ERAP1: variants seen among roughly 807,000 people sequenced by gnomAD.
The protein encoded by ERAP1 is adipocyte-derived leucine aminopeptidase.
ERAP1 carries 86 observed loss-of-function variants against 103.7 expected under a neutral mutation model. The ratio of observed to expected loss-of-function variants is 0.83; its 90% CI spans 0.70 to 0.99. The LOEUF (loss-of-function observed/expected upper bound fraction) is 0.99. ERAP1 is among the 50% of genes least tolerant of loss of function. The pLI is 0.00. For missense variants in ERAP1, 1,009 were observed against 1,128.4 expected (o/e 0.89, Z 1.52); for synonymous variants, 398 against 402.4 (o/e 0.99, Z 0.13).
the ERAP1 span, among the ~76,000 whole-genome samples, chr5:96,920,850 G>A: frequency 6.6e-6 from 1 of 152,356 alleles, no homozygotes. Context: ...CATGAAAGAA[G>A]TGGCTTTACT....
At chr5:96,908,247 C>T in the ERAP1 span, among the ~76,000 whole-genome samples, 1 of 152,184 alleles carries the variant, frequency 6.6e-6, no homozygotes, top group East Asian at 1.9e-4. Flanking sequence ...CTGTGTGCAA[C>T]ATAGCCTCCC....
chr5:96,783,324 G>A lies in ERAP1; in HGVS notation c.2101-89C>T, dbSNP rs182760682. On this transcript the variant is annotated intron_variant, in intron 14 of 18. Transcript: ENST00000443439. Reference sequence around the variant, plus strand: ...TCCATTATGGTCTCAGATGATGGGGGCTAATTTTTAAAGCATAATCTAACT... The same window carrying A: ...TCCATTATGGTCTCAGATGATGGGGACTAATTTTTAAAGCATAATCTAACT... 4,522 of 1,246,362 alleles carry A rather than the reference G, an allele frequency of 3.6e-3. 17 individuals carry two copies. The highest frequency in any genetic ancestry group is 6.8e-3 in the Middle Eastern group (25 of 3,686). 77.2% of individuals were successfully genotyped at this position (1,246,362 alleles called of 1,614,324 possible). A position where few individuals can be genotyped will look rare whatever the true frequency, so the allele number is the denominator to read the frequency against.
the ERAP1 span, among the ~76,000 whole-genome samples, chr5:96,870,086 G>A: frequency 6.6e-6 from 1 of 152,078 alleles, no homozygotes; most frequent in South Asian, 2.1e-4. Context: ...TGCAGATTTG[G>A]AAGAGGAAAC....
chr5:96,870,726 G>A, the ERAP1 span, among the ~76,000 whole-genome samples: 3 of 152,080 alleles, frequency 2.0e-5, no homozygotes, highest in Admixed American at 1.3e-4. Flanking sequence ...ATTGAGTTTT[G>A]TGCTGGAACA....
the ERAP1 span, among the ~76,000 whole-genome samples, chr5:96,843,412 CAA>C: frequency 6.6e-6 from 1 of 152,166 alleles, no homozygotes. Flanking sequence ...AGTGAAGTTA[CAA>C]AGTTATACTC....
At chr5:96,891,371 G>GTATA in the ERAP1 span, among the ~76,000 whole-genome samples, 47 of 89,228 alleles carry the variant, frequency 5.3e-4, no homozygotes, top group African/African-American at 1.5e-3. Context: ...ATATATATGT[G>GTATA]TATATATATA....
chr5:96,860,318 T>C, the ERAP1 span, among the ~76,000 whole-genome samples: 4 of 152,162 alleles, frequency 2.6e-5, no homozygotes, highest in African/African-American at 4.8e-5. Flanking sequence ...CCTCCCAAAG[T>C]GCTGGGATTA....
chr5:96,836,646 C>G, the ERAP1 span, among the ~76,000 whole-genome samples: 2 of 152,230 alleles, frequency 1.3e-5, no homozygotes, highest in Non-Finnish European at 2.9e-5. Context: ...AAACAAAACT[C>G]ATTTCATCCC....
At chr5:96,860,094 C>T in the ERAP1 span, among the ~76,000 whole-genome samples, 1 of 152,176 alleles carries the variant, frequency 6.6e-6, no homozygotes, top group African/African-American at 2.4e-5. Flanking sequence ...GAGAGTCTCA[C>T]TCTGTTGACC....
the ERAP1 span, among the ~76,000 whole-genome samples, chr5:96,888,033 G>A: frequency 4.0e-5 from 6 of 151,770 alleles, no homozygotes; most frequent in African/African-American, 1.5e-4. Flanking sequence ...GCTGAGGCAG[G>A]AGAATCGCTT....
At chr5:96,850,109 A>G in the ERAP1 span, among the ~76,000 whole-genome samples, 2 of 152,332 alleles carry the variant, frequency 1.3e-5, no homozygotes, top group East Asian at 3.9e-4. Flanking sequence ...TAATGAATTA[A>G]ATGCTTAAAT....
At chr5:96,874,641 C>T in the ERAP1 span, among the ~76,000 whole-genome samples, 5 of 152,348 alleles carry the variant, frequency 3.3e-5, no homozygotes, top group Non-Finnish European at 5.9e-5. Flanking sequence ...TCTTATGTTT[C>T]GGGCCTTAGG....
the ERAP1 span, among the ~76,000 whole-genome samples, chr5:96,870,153 G>T: frequency 6.6e-6 from 1 of 152,172 alleles, no homozygotes; most frequent in Non-Finnish European, 1.5e-5. Flanking sequence ...TCTGAGAGCT[G>T]CTGAGAGTAA....
At position 96,762,252 on chromosome 5, in the gene ERAP1, A is replaced by C. The variant is rs373534202; in HGVS notation, c.*948T>G. ...TAATTTTATATACAACATGTTACTA[A>C]TAAAATTTTTTTCAATAAAAGAAAT... On this transcript the variant is annotated 3_prime_UTR_variant, in exon 20 of 20. Coordinates refer to the ERAP1 transcript ENST00000296754. 2.6e-6 allele frequency: 4 copies of C among 1,542,924 alleles called. No homozygotes were observed. In the Middle Eastern group the frequency reaches 5.1e-4, roughly 197 times the overall value.
At chr5:96,889,961 T>C in the ERAP1 span, among the ~76,000 whole-genome samples, 1 of 152,118 alleles carries the variant, frequency 6.6e-6, no homozygotes, top group African/African-American at 2.4e-5. Context: ...AAAGTTTATG[T>C]AGAGAGAGAA....
the ERAP1 span, among the ~76,000 whole-genome samples, chr5:96,818,108 C>A: frequency 6.6e-6 from 1 of 152,110 alleles, no homozygotes; most frequent in African/African-American, 2.4e-5. Context: ...AATTGAGGTA[C>A]CAATCGTAGA....
chr5:96,790,584 A>G lies in ERAP1; in HGVS notation c.1380T>C (p.Gly460=). The change falls in exon 9 of 19, where the codon GGT becomes GGC. Residue 460 remains glycine, a synonymous_variant. Transcript: ENST00000443439. ...TATGCTTCTGGAGATACTGTACAAT[A>G]CCACTTTTAAATGCGTCAGCACTAA... is the stretch of plus-strand genomic sequence containing the variant. The part of the protein sequence containing the change: ...EYLSADAFKS[G]IVQYLQKHSY... The G allele has an allele frequency of 1.2e-6, 2 of 1,612,778 alleles. No individual in the cohort carries two copies. The highest frequency in any genetic ancestry group is 4.5e-5 in the East Asian group (2 of 44,858).
At chr5:96,807,803 G>T in intron 1 of ERAP1, 57 bp downstream of exon 1, 1 of 980,380 alleles carries the variant, frequency 1.0e-6, no homozygotes, top group Non-Finnish European at 1.2e-6. Flanking sequence ...GAAGGGGCGG[G>T]TGCCGCGCTC....
At chr5:96,916,690 G>A in the ERAP1 span, among the ~76,000 whole-genome samples, 1 of 150,940 alleles carries the variant, frequency 6.6e-6, no homozygotes, top group African/African-American at 2.4e-5. Context: ...GGGTGGTCTC[G>A]ATCTCCTGAC....
Sources: allele counts gnomAD v4.1 joint callset (sites outside exome capture counted in the v4.1 genomes callset), GRCh38; gene constraint gnomAD v4.1.1; transcripts MANE v1.5; gene names NCBI Gene and HGNC (gene_info 2026-07-23, HGNC 2026-07-21).